DLGAP2: variants seen among roughly 807,000 people sequenced by gnomAD.
The protein encoded by DLGAP2 is DLG associated protein 2, also known as disks large-associated protein 2.
DLGAP2 carries 26 observed loss-of-function variants against 100.3 expected under a neutral mutation model. The ratio of observed to expected loss-of-function variants is 0.26; its 90% CI spans 0.19 to 0.36. The LOEUF (loss-of-function observed/expected upper bound fraction) is 0.36. Ranked by LOEUF, DLGAP2 falls within the 10% of genes least tolerant of loss-of-function variation. DLGAP2 has a pLI of 1.00. For synonymous variants in DLGAP2, 886 were observed against 630.1 expected (o/e 1.41, Z -6.08); for missense variants, 1,858 against 1,453.2 (o/e 1.28, Z -4.53).
chr8:1,523,578 G>C (rs745534024), intron 4 of DLGAP2, among the ~76,000 whole-genome samples: 8 of 152,208 alleles, frequency 5.3e-5, no homozygotes, highest in Non-Finnish European at 1.0e-4. Flanking sequence ...ATTGAGTCCT[G>C]TTTGGAGGAC....
At chr8:1,087,327 T>C (rs1296466014) in intron 2 of DLGAP2, among the ~76,000 whole-genome samples, 2 of 152,222 alleles carry the variant, frequency 1.3e-5, no homozygotes, top group Non-Finnish European at 2.9e-5. Context: ...TTTCCCTTCA[T>C]CCGCTGTGTC....
At chr8:1,130,131 C>T (rs528862167) in intron 2 of DLGAP2, among the ~76,000 whole-genome samples, 23 of 63,868 alleles carry the variant, frequency 3.6e-4, no homozygotes, top group Admixed American at 2.1e-3. Context: ...AGACACTTCA[C>T]GCGAGTTATA....
At chr8:1,687,531 C>G (rs1432544312) in intron 12 of DLGAP2, among the ~76,000 whole-genome samples, 1 of 152,204 alleles carries the variant, frequency 6.6e-6, no homozygotes, top group Admixed American at 6.5e-5. Context: ...ACTCACTGAA[C>G]AGCAAAATTC....
intron 3 of DLGAP2, among the ~76,000 whole-genome samples, chr8:1,264,606 G>T (rs1788164065): frequency 6.6e-6 from 1 of 152,058 alleles, no homozygotes; most frequent in Non-Finnish European, 1.5e-5. Context: ...AGAACCTAAG[G>T]GCTCTGGCAG....
At chr8:1,028,055 T>G (rs1332346135) in intron 2 of DLGAP2, among the ~76,000 whole-genome samples, 7 of 136,782 alleles carry the variant, frequency 5.1e-5, no homozygotes, top group Non-Finnish European at 7.7e-5. Flanking sequence ...GTGCCCATTA[T>G]TCTCCAGGTG....
chr8:1,318,782 C>CCG (rs11400924), intron 3 of DLGAP2, among the ~76,000 whole-genome samples: 1 of 123,246 alleles, frequency 8.1e-6, no homozygotes, highest in African/African-American at 3.2e-5. Context: ...TGATCAGCCC[C>CCG]CCCCCCGCCC....
At chr8:1,696,733 A>C (rs867074555) in intron 13 of DLGAP2, among the ~76,000 whole-genome samples, 2 of 152,198 alleles carry the variant, frequency 1.3e-5, no homozygotes, top group South Asian at 2.1e-4. Flanking sequence ...GAGAACAAGC[A>C]GGTATAGAAT....
chr8:1,155,136 T>TG (rs1336377790), intron 2 of DLGAP2, among the ~76,000 whole-genome samples: 1 of 152,218 alleles, frequency 6.6e-6, no homozygotes, highest in African/African-American at 2.4e-5. Context: ...TGGGTATCCC[T>TG]GGGGCAGCGG....
intron 2 of DLGAP2, among the ~76,000 whole-genome samples, chr8:960,252 T>TTTTTTTTTTTTTTTTTTTTTTTA (rs369284313): frequency 1.4e-5 from 2 of 142,016 alleles, no homozygotes; most frequent in East Asian, 2.1e-4. Flanking sequence ...TTTTTTTTTT[T>TTTTTTTTTTTTTTTTTTTTTTTA]CCCGAGACAC....
intron 3 of DLGAP2, among the ~76,000 whole-genome samples, chr8:1,309,462 T>A (rs1182776172): frequency 6.6e-6 from 1 of 152,032 alleles, no homozygotes; most frequent in South Asian, 2.1e-4. Flanking sequence ...ATGATAAAGT[T>A]CCTAAAGAAA....
intron 2 of DLGAP2, among the ~76,000 whole-genome samples, chr8:1,179,295 C>T (rs1295859895): frequency 6.6e-6 from 1 of 152,250 alleles, no homozygotes; most frequent in African/African-American, 2.4e-5. Context: ...TCAGCTCTCT[C>T]ATTCCCCCAC....
intron 2 of DLGAP2, among the ~76,000 whole-genome samples, chr8:1,140,408 G>A (rs750037056): frequency 6.8e-6 from 1 of 147,186 alleles, no homozygotes; most frequent in Non-Finnish European, 1.5e-5. Context: ...ATGCCCTAGG[G>A]TGCTTGTTCC....
At chr8:1,334,084 A>G (rs990766767) in intron 3 of DLGAP2, among the ~76,000 whole-genome samples, 1 of 152,226 alleles carries the variant, frequency 6.6e-6, no homozygotes, top group Non-Finnish European at 1.5e-5. Flanking sequence ...TGAGAGCCCC[A>G]AACAGCTCAT....
intron 3 of DLGAP2, among the ~76,000 whole-genome samples, chr8:1,293,680 A>G (rs1167509770): frequency 1.3e-5 from 2 of 152,226 alleles, no homozygotes; most frequent in Admixed American, 1.3e-4. Context: ...CTCAGAAGTC[A>G]GAGGAACAGT....
intron 3 of DLGAP2, among the ~76,000 whole-genome samples, chr8:1,311,715 ACT>A (rs1353720460): frequency 6.6e-6 from 1 of 151,536 alleles, no homozygotes; most frequent in Non-Finnish European, 1.5e-5. Context: ...AAAAAAAAAA[ACT>A]CTTATAAAAT....
intron 2 of DLGAP2, among the ~76,000 whole-genome samples, chr8:999,564 C>T (rs1263898628): frequency 1.3e-5 from 2 of 151,544 alleles, no homozygotes; most frequent in African/African-American, 4.8e-5. Flanking sequence ...CTGCAAACTC[C>T]ACCTTGTAGG....
At chr8:1,126,685 T>TTAA (rs1227871521) in intron 2 of DLGAP2, among the ~76,000 whole-genome samples, 1 of 152,138 alleles carries the variant, frequency 6.6e-6, no homozygotes, top group Non-Finnish European at 1.5e-5. Flanking sequence ...AGGGCTTTGA[T>TTAA]TAAGAGTCTC....
chr8:1,024,380 G>A (rs57192461), intron 2 of DLGAP2, among the ~76,000 whole-genome samples: 7 of 134,972 alleles, frequency 5.2e-5, no homozygotes, highest in Admixed American at 1.5e-4. Context: ...CACCCCAGCC[G>A]CCACCCACCC....
chr8:1,529,770 G>A (rs764044323), intron 4 of DLGAP2, among the ~76,000 whole-genome samples: 77 of 152,268 alleles, frequency 5.1e-4, no homozygotes, highest in Admixed American at 5.9e-4. Context: ...TTCCTTAAGC[G>A]TTGGCCAGCT....
Sources: allele counts gnomAD v4.1 joint callset (sites outside exome capture counted in the v4.1 genomes callset), GRCh38; gene constraint gnomAD v4.1.1; transcripts MANE v1.5; gene names NCBI Gene and HGNC (gene_info 2026-07-23, HGNC 2026-07-21).